The following FMN2 variants were observed in gnomAD, a reference collection of about 807,000 sequenced individuals.
The protein encoded by FMN2 is formin-2.
A neutral mutation model predicts 142.3 loss-of-function variants in FMN2; 51 were observed. The observed-to-expected ratio is 0.36, with a 90% CI of 0.29 to 0.45. The LOEUF is 0.45. Ranked by LOEUF, FMN2 falls within the 20% of genes least tolerant of loss-of-function variation. FMN2 has a pLI of 1.00. For synonymous variants in FMN2, 882 were observed against 869.8 expected (o/e 1.01, Z -0.25); for missense variants, 1,936 against 2,122.8 (o/e 0.91, Z 1.73).
In FMN2 at chr1:240,474,252, T is replaced by C; in HGVS notation, c.*98T>C. The C allele has an allele frequency of 8.8e-7, 1 of 1,139,320 alleles. No homozygotes were observed. The highest frequency in any genetic ancestry group is 1.7e-5 in the South Asian group (1 of 60,554). The allele number at this position is 1,139,320 out of a possible 1,614,324, so 70.6% of individuals were successfully genotyped here. ...GGAAACTACCGTCATTCTGCTCATGTTTCTTCTTGACCTCTTGCATAATCT... is the reference window on the plus strand; with the variant it reads ...GGAAACTACCGTCATTCTGCTCATGCTTCTTCTTGACCTCTTGCATAATCT... On this transcript the variant is annotated 3_prime_UTR_variant, in exon 18 of 18. Coordinates refer to ENST00000319653, the MANE Select transcript of FMN2 (RefSeq NM_020066.5).
Position 240,414,410 on chromosome 1 carries a change from G to A in FMN2, c.4910+21848G>A, listed in dbSNP as rs560462430. On this transcript the variant is annotated intron_variant, in intron 15 of 17. Coordinates refer to ENST00000319653, the MANE Select transcript of FMN2 (RefSeq NM_020066.5). ...TTGTGGAGTGCGGTAGCACAGAGCC[G>A]AGAATGGAATTCAGGCCTTCGTGAA... is the stretch of plus-strand genomic sequence containing the variant. Among the ~76,000 whole-genome samples the A allele has an allele frequency of 3.9e-5, 6 of 152,324 alleles. 1 individual carries two copies. The South Asian group carries it at 6.2e-4, about 16-fold the overall frequency.
At chr1:240,322,308 C>T (rs191162341) in intron 8 of FMN2, among the ~76,000 whole-genome samples, 52 of 152,222 alleles carry the variant, frequency 3.4e-4, no homozygotes, top group African/African-American at 1.0e-3. Context: ...AAAGAATCTT[C>T]GGTCTAAAAT....
intron 7 of FMN2, among the ~76,000 whole-genome samples, chr1:240,281,279 G>A (rs990111022): frequency 6.6e-6 from 1 of 152,044 alleles, no homozygotes; most frequent in African/African-American, 2.4e-5. Context: ...TTTATTGTCT[G>A]TATCTTACAG....
chr1:240,162,459 G>T (rs1463904941), intron 2 of FMN2, among the ~76,000 whole-genome samples: 1 of 151,996 alleles, frequency 6.6e-6, no homozygotes, highest in South Asian at 2.1e-4. Flanking sequence ...GCAAGACTCC[G>T]TCTCAAAAAA....
chr1:240,215,791 C>T (rs1035919307), intron 6 of FMN2, among the ~76,000 whole-genome samples: 2 of 152,072 alleles, frequency 1.3e-5, no homozygotes, highest in African/African-American at 2.4e-5. Flanking sequence ...TCACTGCAAC[C>T]TCCCCCTCCC....
At chr1:240,244,981 A>G (rs543573221) in intron 6 of FMN2, among the ~76,000 whole-genome samples, 7 of 152,342 alleles carry the variant, frequency 4.6e-5, no homozygotes, top group Middle Eastern at 3.4e-3. Flanking sequence ...GCAATATGAC[A>G]CAGAGTTTGT....
At chr1:240,275,264 A>G (rs1477520669) in intron 7 of FMN2, among the ~76,000 whole-genome samples, 1 of 145,578 alleles carries the variant, frequency 6.9e-6, no homozygotes, top group African/African-American at 2.6e-5. Flanking sequence ...AACAGGCCCC[A>G]GTGTGTGATG....
intron 1 of FMN2, among the ~76,000 whole-genome samples, chr1:240,115,975 A>G (rs1437932585): frequency 6.6e-6 from 1 of 152,190 alleles, no homozygotes; most frequent in African/African-American, 2.4e-5. Context: ...AAGAACATAC[A>G]GGGCAACTTC....
chr1:240,299,041 C>T (rs1173598948), intron 8 of FMN2, among the ~76,000 whole-genome samples: 2 of 151,882 alleles, frequency 1.3e-5, no homozygotes, highest in Non-Finnish European at 2.9e-5. Flanking sequence ...ACCTCTGCCT[C>T]CCAGGTTCAA....
At position 240,093,408 on chromosome 1, in the gene FMN2, G is replaced by T; in HGVS notation, c.1299G>T (p.Pro433=). 1 of 1,613,520 alleles carries T rather than the reference G, an allele frequency of 6.2e-7. No individual in the cohort carries two copies. The highest frequency in any genetic ancestry group is 8.5e-7 in the Non-Finnish European group (1 of 1,179,740). The part of the protein sequence containing the change: ...TRQLSSPNHS[P]SQSPNQSPRI... ...AGCTCAGCTCGCCCAATCACTCCCC[G>T]TCTCAGTCCCCTAATCAGAGCCCCA... Residue 433 remains proline, a synonymous_variant, in exon 1 of 18, where the codon CCG becomes CCT. Transcript: ENST00000319653.
At chr1:240,115,307 A>G (rs944492571) in intron 1 of FMN2, among the ~76,000 whole-genome samples, 1 of 152,054 alleles carries the variant, frequency 6.6e-6, no homozygotes, top group Non-Finnish European at 1.5e-5. Flanking sequence ...TTTTGGTACT[A>G]TTAATAATCT....
chr1:240,385,143 G>A (rs1673366620), intron 14 of FMN2, among the ~76,000 whole-genome samples: 1 of 152,158 alleles, frequency 6.6e-6, no homozygotes, highest in South Asian at 2.1e-4. Flanking sequence ...AGGAAGAAAA[G>A]AAACACATCA....
At chr1:240,328,167 A>AAAAAAAAAAAAAAAAAAAAAAAGAAAG (rs1558435720) in intron 8 of FMN2, among the ~76,000 whole-genome samples, 2 of 141,076 alleles carry the variant, frequency 1.4e-5, no homozygotes, top group African/African-American at 5.4e-5. Flanking sequence ...AAAAAAAAAA[A>AAAAAAAAAAAAAAAAAAAAAAAGAAAG]AAAAAGAAAA....
At position 240,475,092 on chromosome 1, in the gene FMN2, G is replaced by A. The variant is rs1360232430; in HGVS notation, c.*938G>A. On this transcript the variant is annotated 3_prime_UTR_variant, in exon 18 of 18. Coordinates refer to ENST00000319653, the MANE Select transcript of FMN2 (RefSeq NM_020066.5). Reference sequence around the variant, plus strand: ...GGGCATTTAACAAAGATCGCTATGTGCAATACTGTATTTAGTGTTTCTATT... The same window carrying A: ...GGGCATTTAACAAAGATCGCTATGTACAATACTGTATTTAGTGTTTCTATT... 2 of 152,356 alleles carry A rather than the reference G, an allele frequency of 1.3e-5. No homozygotes were observed. Among genetic ancestry groups the A allele is most frequent in the Non-Finnish European group, 2.9e-5 (2 of 67,986 alleles). 9.4% of individuals were successfully genotyped at this position (152,356 alleles called of 1,614,324 possible). A position where few individuals can be genotyped will look rare whatever the true frequency, so the allele number is the denominator to read the frequency against.
chr1:240,240,563 G>T (rs1667863196), intron 6 of FMN2, among the ~76,000 whole-genome samples: 1 of 152,114 alleles, frequency 6.6e-6, no homozygotes, highest in African/African-American at 2.4e-5. Flanking sequence ...GCTGATGCCT[G>T]TATTTTGTAG....
At chr1:240,245,416 A>T in intron 6 of FMN2, 1 of 436,348 alleles carries the variant, frequency 2.3e-6, no homozygotes, top group Non-Finnish European at 4.7e-6. Flanking sequence ...AGAATGAAAG[A>T]CAAGGAAGCA....
chr1:240,252,952 A>AATTTT (rs1572118578), intron 6 of FMN2, among the ~76,000 whole-genome samples: 1 of 33,882 alleles, frequency 3.0e-5, no homozygotes, highest in Admixed American at 3.5e-4. Context: ...AGTCTTGTTC[A>AATTTT]CTTTTTTTTT....
chr1:240,191,419 A>C (rs1337468007), intron 4 of FMN2, among the ~76,000 whole-genome samples: 1 of 152,204 alleles, frequency 6.6e-6, no homozygotes, highest in Admixed American at 6.5e-5. Context: ...TACTCCTTGA[A>C]TGCTTTTATT....
At chr1:240,466,860 G>A (rs1013605164) in intron 16 of FMN2, among the ~76,000 whole-genome samples, 1 of 152,180 alleles carries the variant, frequency 6.6e-6, no homozygotes, top group Non-Finnish European at 1.5e-5. Flanking sequence ...AAGTATGTGG[G>A]AGCTGGGGGC....
Sources: gnomAD v4.1 joint callset for allele counts (sites outside exome capture counted in the v4.1 genomes callset) on GRCh38, gnomAD v4.1.1 for gene constraint, MANE v1.5 for transcripts, NCBI Gene and HGNC (gene_info 2026-07-23, HGNC 2026-07-21) for gene names.